Variants in SRGAP2 observed in about 807,000 individuals in gnomAD.
SRGAP2 encodes SLIT-ROBO Rho GTPase activating protein 2.
In SRGAP2, 15 loss-of-function variants were observed where a neutral mutation model predicts 57.2. That is an observed-to-expected ratio of 0.26 (90% CI 0.18 to 0.40). The LOEUF (loss-of-function observed/expected upper bound fraction) is 0.40, where lower values mean the gene tolerates loss of function less well. SRGAP2 is among the 10% of genes least tolerant of loss of function. The pLI is 1.00. For missense variants in SRGAP2, 520 were observed against 669.6 expected (o/e 0.78, Z 2.47); for synonymous variants, 249 against 248.0 (o/e 1.00, Z -0.04).
chr1:206,290,670 A>T (rs1671265139), intron 2 of SRGAP2, among the ~76,000 whole-genome samples: 1 of 151,742 alleles, frequency 6.6e-6, no homozygotes. Context: ...AAAAAGAAGA[A>T]GAAATGTATG....
At chr1:206,236,897 AT>A (rs1191501411) in intron 2 of SRGAP2, among the ~76,000 whole-genome samples, 8 of 116,728 alleles carry the variant, frequency 6.9e-5, no homozygotes, top group African/African-American at 1.8e-4. Flanking sequence ...ATTTATTTTA[AT>A]TTTTTTTTGA....
At chr1:206,262,465 A>G (rs2102628313) in intron 2 of SRGAP2, among the ~76,000 whole-genome samples, 1 of 149,952 alleles carries the variant, frequency 6.7e-6, no homozygotes, top group East Asian at 2.0e-4. Flanking sequence ...GGAGATTGGT[A>G]CTTCTGGCAG....
In SRGAP2 at chr1:206,435,684, G is replaced by T. The variant is rs115340632; in HGVS notation, c.1556-1281G>T. Among the ~76,000 whole-genome samples, 1,312 of 152,310 alleles carry T rather than the reference G, an allele frequency of 8.6e-3. 17 individuals carry two copies. Among genetic ancestry groups the T allele is most frequent in the African/African-American group, 0.03 (1,248 of 41,560 alleles). ...CCACAAGGCCTGAGTTTGAGTCATG[G>T]CCCTGGTTCTTACTTCCTGTATAAC... is the stretch of plus-strand genomic sequence containing the variant. On this transcript the variant is annotated intron_variant, in intron 14 of 22. Transcript: ENST00000573034.
intron 2 of SRGAP2, among the ~76,000 whole-genome samples, chr1:206,279,077 G>A (rs1295349927): frequency 3.7e-4 from 40 of 106,850 alleles, no homozygotes; most frequent in Admixed American, 2.9e-4. Flanking sequence ...CATCTTTATC[G>A]TCTTCTGAAC....
chr1:206,421,161 A>G (rs1660268141), intron 12 of SRGAP2, 89 bp from the exon 13 acceptor site: 1 of 692,820 alleles, frequency 1.4e-6, no homozygotes, highest in Admixed American at 2.3e-5. Context: ...TGGGTTTAAG[A>G]GTGATTGTTT....
chr1:206,412,080 G>C (rs1389219166), intron 10 of SRGAP2, among the ~76,000 whole-genome samples: 2 of 152,200 alleles, frequency 1.3e-5, no homozygotes, highest in African/African-American at 4.8e-5. Flanking sequence ...AAGGTTAGGA[G>C]AGTTAGTAAG....
intron 2 of SRGAP2, among the ~76,000 whole-genome samples, chr1:206,285,508 CT>C (rs1315901883): frequency 1.3e-5 from 2 of 152,170 alleles, no homozygotes; most frequent in Non-Finnish European, 2.9e-5. Context: ...GGACAGGAAA[CT>C]TTCCTGGTGG....
In SRGAP2 at chr1:206,424,139, A is replaced by G. The variant is rs559778012; in HGVS notation, c.1494+2865A>G. Reference sequence around the variant, plus strand: ...CAAATTACTGGACCACTGCTTTACTATGTTTTCCAACTTAGGCCCTACCTT... The same window carrying G: ...CAAATTACTGGACCACTGCTTTACTGTGTTTTCCAACTTAGGCCCTACCTT... On this transcript the variant is annotated intron_variant, in intron 13 of 22. Coordinates refer to ENST00000573034, the MANE Select transcript of SRGAP2 (RefSeq NM_015326.5). Among the ~76,000 whole-genome samples the G allele has an allele frequency of 7.4e-4, 113 of 151,796 alleles. 4 individuals are homozygous for G. In the South Asian group the frequency reaches 0.022, roughly 30 times the overall value.
In SRGAP2 at chr1:206,463,290, G is replaced by C. The variant is rs1331176309; in HGVS notation, c.*1870G>C. On this transcript the variant is annotated 3_prime_UTR_variant, in exon 23 of 23. Coordinates refer to ENST00000573034, the MANE Select transcript of SRGAP2 (RefSeq NM_015326.5). ...AGAACTCTTTCAGTGAAGTGAGTCA[G>C]CCTAGAAGAGGCAACCCACAGTCTT... 1 of 152,590 alleles carries C rather than the reference G, an allele frequency of 6.6e-6. No individual in the cohort carries two copies. The highest frequency in any genetic ancestry group is 1.9e-4 in the East Asian group (1 of 5,192). The allele number at this position is 152,590 out of a possible 1,614,324, so 9.5% of individuals were successfully genotyped here. A position where few individuals can be genotyped will look rare whatever the true frequency, so the allele number is the denominator to read the frequency against.
chr1:206,358,403 G>A (rs1357232881), intron 4 of SRGAP2, among the ~76,000 whole-genome samples: 1 of 149,464 alleles, frequency 6.7e-6, no homozygotes, highest in Non-Finnish European at 1.5e-5. Context: ...TCTTTTTTTA[G>A]CGGTATATTA....
rs1208906969 is a variant in SRGAP2, at chr1:206,437,054, G to A, written c.1633+12G>A. The A allele has an allele frequency of 5.1e-6, 4 of 780,500 alleles. No homozygotes were observed. Among genetic ancestry groups the A allele is most frequent in the Non-Finnish European group, 2.4e-6 (1 of 417,796 alleles). The allele number at this position is 780,500 out of a possible 1,614,324, so 48.3% of individuals were successfully genotyped here. ...TGCCTTTGAGAGAGGTAAGGAAACA[G>A]TCTTGAAGATAAAACCAAATATTTG... On this transcript the variant is annotated intron_variant, in intron 15 of 22. Transcript: ENST00000573034.
chr1:206,388,225 C>A (rs1656488391), intron 5 of SRGAP2, among the ~76,000 whole-genome samples: 1 of 152,028 alleles, frequency 6.6e-6, no homozygotes, highest in Non-Finnish European at 1.5e-5. Context: ...CTTCTGTACT[C>A]CCCCTAAATT....
At chr1:206,412,473 T>C (rs1572086331) in intron 10 of SRGAP2, among the ~76,000 whole-genome samples, 1 of 152,340 alleles carries the variant, frequency 6.6e-6, no homozygotes, top group East Asian at 1.9e-4. Flanking sequence ...GTTCTTTTGC[T>C]CCTTCATTGA....
At chr1:206,435,609 A>T (rs1661658028) in intron 14 of SRGAP2, among the ~76,000 whole-genome samples, 1 of 152,098 alleles carries the variant, frequency 6.6e-6, no homozygotes, top group South Asian at 2.1e-4. Flanking sequence ...CTGCACTTGC[A>T]CTCCAGTAGA....
intron 21 of SRGAP2, among the ~76,000 whole-genome samples, chr1:206,457,423 G>C (rs188931758): frequency 1.3e-5 from 2 of 152,290 alleles, no homozygotes; most frequent in East Asian, 3.9e-4. Flanking sequence ...GAGGAGGGAG[G>C]GGTCCATTCT....
intron 14 of SRGAP2, among the ~76,000 whole-genome samples, chr1:206,431,809 C>T (rs564510910): frequency 6.6e-6 from 1 of 152,312 alleles, no homozygotes; most frequent in South Asian, 2.1e-4. Flanking sequence ...AGGGAAAAGG[C>T]CTCTCCTAAA....
At chr1:206,283,796 T>A (rs1327065853) in intron 2 of SRGAP2, among the ~76,000 whole-genome samples, 2 of 143,236 alleles carry the variant, frequency 1.4e-5, no homozygotes, top group Admixed American at 7.0e-5. Context: ...TAAAATATTT[T>A]CTTTTACATC....
chr1:206,419,393 C>T lies in SRGAP2; in HGVS notation c.1462C>T (p.Leu488=). 1 of 780,796 alleles carries T rather than the reference C, an allele frequency of 1.3e-6. No individual in the cohort carries two copies. The highest frequency in any genetic ancestry group is 2.4e-6 in the Non-Finnish European group (1 of 417,940). 48.4% of individuals were successfully genotyped at this position (780,796 alleles called of 1,614,324 possible). The change falls in exon 12 of 23, where the codon CTA becomes TTA. Residue 488 remains leucine, a synonymous_variant. Coordinates refer to ENST00000573034, the MANE Select transcript of SRGAP2 (RefSeq NM_015326.5). The part of the protein sequence containing the change: ...LGESQRTDCS[L]ARRSSTVRKQ... Reference sequence around the variant, plus strand: ...AACAGGTCAGCGGACAGATTGCAGTCTAGCCAGGTGAGTGTGGCCTGGGAC... The same window carrying T: ...AACAGGTCAGCGGACAGATTGCAGTTTAGCCAGGTGAGTGTGGCCTGGGAC...
At chr1:206,354,691 T>C (rs1472571291) in intron 4 of SRGAP2, among the ~76,000 whole-genome samples, 1 of 152,122 alleles carries the variant, frequency 6.6e-6, no homozygotes, top group Admixed American at 6.5e-5. Context: ...TTGAACCTGG[T>C]CACAAGCCAG....
Sources: allele counts gnomAD v4.1 joint callset (sites outside exome capture counted in the v4.1 genomes callset), GRCh38; gene constraint gnomAD v4.1.1; transcripts MANE v1.5; gene names NCBI Gene and HGNC (gene_info 2026-07-23, HGNC 2026-07-21).